Variants in ELOVL5 observed in about 807,000 individuals in gnomAD.
ELOVL5 encodes ELOVL fatty acid elongase 5, also known as very long chain fatty acid elongase 5.
Under a neutral mutation model 38.6 loss-of-function variants are expected in ELOVL5, and 8 were observed. The ratio of observed to expected loss-of-function variants is 0.21; its 90% CI spans 0.12 to 0.37. The LOEUF (loss-of-function observed/expected upper bound fraction) is 0.37. ELOVL5 is among the 10% of genes least tolerant of loss of function. The pLI is 1.00. For synonymous variants in ELOVL5, 127 were observed against 133.7 expected (o/e 0.95, Z 0.34); for missense variants, 280 against 367.8 (o/e 0.76, Z 1.95).
chr6:53,282,430 A>G (rs995466540), intron 3 of ELOVL5, among the ~76,000 whole-genome samples: 1 of 152,226 alleles, frequency 6.6e-6, no homozygotes, highest in African/African-American at 2.4e-5. Flanking sequence ...TCCTCTCTGT[A>G]GAAAGTATTC....
intron 3 of ELOVL5, among the ~76,000 whole-genome samples, chr6:53,281,947 A>C (rs1766381645): frequency 6.6e-6 from 1 of 152,212 alleles, no homozygotes. Flanking sequence ...CAAAACACAA[A>C]GAAACAGCCT....
intron 1 of ELOVL5, among the ~76,000 whole-genome samples, chr6:53,296,310 TC>T (rs1767002367): frequency 6.6e-6 from 1 of 152,110 alleles, no homozygotes; most frequent in South Asian, 2.1e-4. Context: ...TCAATATACT[TC>T]CAGAGATTTC....
intron 1 of ELOVL5, among the ~76,000 whole-genome samples, chr6:53,305,387 C>G (rs1268661216): frequency 0.25 from 30,275 of 120,504 alleles, 4,183 homozygotes; most frequent in African/African-American, 0.35. Flanking sequence ...CTGACCCCCC[C>G]CCACCTCCCT....
At chr6:53,305,662 C>T (rs1767500475) in intron 1 of ELOVL5, among the ~76,000 whole-genome samples, 1 of 150,362 alleles carries the variant, frequency 6.7e-6, no homozygotes, top group Admixed American at 6.6e-5. Flanking sequence ...CGGGAAGAGG[C>T]GCTCCTCACT....
chr6:53,301,658 G>T (rs1211861886), intron 1 of ELOVL5, among the ~76,000 whole-genome samples: 1 of 152,170 alleles, frequency 6.6e-6, no homozygotes. Context: ...GTCTTCCAAA[G>T]CTATTCACTA....
At position 53,321,232 on chromosome 6, in the gene ELOVL5, C is replaced by T. The variant is rs115666206; in HGVS notation, c.-8-25525G>A. On this transcript the variant is annotated intron_variant, in intron 1 of 7. Transcript: ENST00000304434. ...GTACTGCAGAGACATTTCCAAATAA[C>T]GTTACCTGTGACAAAAGGGTTAAAT... 4.4e-3 allele frequency among the ~76,000 whole-genome samples: 668 copies of T among 152,280 alleles called. 10 individuals are homozygous for T. Among genetic ancestry groups the T allele is most frequent in the African/African-American group, 0.015 (642 of 41,546 alleles).
At chr6:53,273,180 C>T in intron 6 of ELOVL5, 40 bp downstream of exon 6, 1 of 1,610,952 alleles carries the variant, frequency 6.2e-7, no homozygotes, top group Non-Finnish European at 8.5e-7. Flanking sequence ...TCTGTATCCA[C>T]CAGGAAGTAA....
At chr6:53,318,505 C>T (rs1422584474) in intron 1 of ELOVL5, among the ~76,000 whole-genome samples, 2 of 152,130 alleles carry the variant, frequency 1.3e-5, no homozygotes, top group Admixed American at 1.3e-4. Flanking sequence ...TTTCTTCTAC[C>T]TTTTTCTATG....
rs1487641500 is a variant in ELOVL5, at chr6:53,291,786, A to G, written c.236T>C (p.Met79Thr). 49 of 1,611,844 alleles carry G rather than the reference A, an allele frequency of 3.0e-5. No homozygotes were observed. The highest frequency in any genetic ancestry group is 4.1e-5 in the Non-Finnish European group (48 of 1,179,090). Residue 79 changes from methionine to threonine, a missense_variant, in exon 3 of 8, where the codon ATG becomes ACG. Met to Thr is a moderately conservative substitution (Grantham distance 81). Around this residue, in one of 3 missense-constraint regions of ELOVL5, gnomAD observed 150 missense variants for 178.0 expected, o/e 0.84. Coordinates refer to ENST00000304434, the MANE Select transcript of ELOVL5 (RefSeq NM_021814.5). The part of the protein sequence containing the change: ...NLGLTLLSLY[M>T]FCELVTGVWE... ...TAACCTTTGACTTACCTCACAGAAC[A>G]TATACAGAGACAGCAGTGTGAGTCC...
intron 3 of ELOVL5, among the ~76,000 whole-genome samples, chr6:53,278,492 T>C (rs1001065543): frequency 6.6e-6 from 1 of 152,192 alleles, no homozygotes. Context: ...TTGCCTTGAC[T>C]CTTTAAACTA....
At chr6:53,286,260 C>A (rs933102259) in intron 3 of ELOVL5, among the ~76,000 whole-genome samples, 3 of 152,094 alleles carry the variant, frequency 2.0e-5, no homozygotes, top group African/African-American at 7.2e-5. Context: ...GTTAATTGAA[C>A]AACTTGCATA....
chr6:53,316,272 A>G (rs1026273475), intron 1 of ELOVL5, among the ~76,000 whole-genome samples: 6 of 152,202 alleles, frequency 3.9e-5, no homozygotes, highest in Non-Finnish European at 7.3e-5. Flanking sequence ...GGAAGGAGAA[A>G]CAGTAAATAA....
At chr6:53,320,359 CAT>C (rs1399903328) in intron 1 of ELOVL5, among the ~76,000 whole-genome samples, 2 of 151,358 alleles carry the variant, frequency 1.3e-5, no homozygotes, top group African/African-American at 4.9e-5. Flanking sequence ...TTTTTTGAGA[CAT>C]AGTTGCGCTC....
chr6:53,297,638 A>C (rs1039238413), intron 1 of ELOVL5, among the ~76,000 whole-genome samples: 6 of 152,120 alleles, frequency 3.9e-5, no homozygotes, highest in African/African-American at 1.4e-4. Context: ...ATTGTTGTTA[A>C]TCTTACTTTG....
chr6:53,333,329 C>T (rs914815339), intron 1 of ELOVL5, among the ~76,000 whole-genome samples: 6 of 152,176 alleles, frequency 3.9e-5, no homozygotes, highest in East Asian at 1.9e-4. Flanking sequence ...TTGCTTTCTT[C>T]GTTTGGAAAA....
intron 3 of ELOVL5, among the ~76,000 whole-genome samples, chr6:53,291,441 A>G (rs1022289960): frequency 1.3e-5 from 2 of 152,180 alleles, no homozygotes; most frequent in African/African-American, 2.4e-5. Context: ...ATGCTTTCAC[A>G]TGTGTTTTTC....
In ELOVL5 at chr6:53,269,011, G is replaced by T. The variant is rs909367265; in HGVS notation, c.*116C>A. ...TGAATTGATGAAAGAAGTCCTACATGAATCACACTATTGTAGGCCAGACTA... is the reference window on the plus strand; with the variant it reads ...TGAATTGATGAAAGAAGTCCTACATTAATCACACTATTGTAGGCCAGACTA... On this transcript the variant is annotated 3_prime_UTR_variant, in exon 8 of 8. Coordinates refer to ENST00000304434, the MANE Select transcript of ELOVL5 (RefSeq NM_021814.5). 1 of 1,182,746 alleles carries T rather than the reference G, an allele frequency of 8.5e-7. No homozygotes were observed. Among genetic ancestry groups the T allele is most frequent in the Non-Finnish European group, 1.2e-6 (1 of 835,608 alleles). The allele number at this position is 1,182,746 out of a possible 1,614,324, so 73.3% of individuals were successfully genotyped here.
At chr6:53,326,920 A>C (rs1768573336) in intron 1 of ELOVL5, among the ~76,000 whole-genome samples, 2 of 152,228 alleles carry the variant, frequency 1.3e-5, no homozygotes. Flanking sequence ...GCAAGATTAC[A>C]GAACTTTTCA....
intron 2 of ELOVL5, among the ~76,000 whole-genome samples, chr6:53,293,485 T>G (rs1433824082): frequency 3.9e-5 from 6 of 152,018 alleles, no homozygotes; most frequent in Non-Finnish European, 8.8e-5. Context: ...ACCCCGCTAA[T>G]TTTTGTAATT....
Sources: gnomAD v4.1 joint callset for allele counts (sites outside exome capture counted in the v4.1 genomes callset) on GRCh38, gnomAD v4.1.1 for gene constraint, gnomAD v4.1.1 regional missense constraint, MANE v1.5 for transcripts, NCBI Gene and HGNC (gene_info 2026-07-23, HGNC 2026-07-21) for gene names.